LRRC7: variants seen among roughly 807,000 people sequenced by gnomAD.
LRRC7 encodes the protein leucine rich repeat containing 7, also known as leucine-rich repeat-containing protein 7.
In LRRC7, 23 loss-of-function variants were observed where a neutral mutation model predicts 175.7. The ratio of observed to expected loss-of-function variants is 0.13; its 90% CI spans 0.09 to 0.19. The LOEUF is 0.19. Ranked by LOEUF, LRRC7 falls within the 10% of genes least tolerant of loss-of-function variation. The pLI, the probability that LRRC7 is intolerant of heterozygous loss-of-function variation, is 1.00. For synonymous variants in LRRC7, 685 were observed against 680.9 expected, an observed-to-expected ratio of 1.01 and a Z score of -0.09; for missense variants, 1,354 against 1,904.7, an observed-to-expected ratio of 0.71 and a Z score of 5.38.
At chr1:69,938,199 G>A (rs1448712006) in intron 8 of LRRC7, among the ~76,000 whole-genome samples, 1 of 151,996 alleles carries the variant, frequency 6.6e-6, no homozygotes, top group Non-Finnish European at 1.5e-5. Flanking sequence ...GAAATAAGTA[G>A]TGTCATTTTA....
chr1:69,793,450 A>G (rs1465569915), intron 4 of LRRC7, among the ~76,000 whole-genome samples: 1 of 152,062 alleles, frequency 6.6e-6, no homozygotes, highest in Non-Finnish European at 1.5e-5. Context: ...GCTCCATGAC[A>G]ATATCTCAGT....
chr1:69,941,998 A>C (rs192334235), intron 8 of LRRC7, among the ~76,000 whole-genome samples: 1 of 152,212 alleles, frequency 6.6e-6, no homozygotes, highest in Non-Finnish European at 1.5e-5. Context: ...TTGCCTCCAT[A>C]CATTCTAAAC....
At chr1:69,577,758 T>C (rs1156348859) in intron 1 of LRRC7, among the ~76,000 whole-genome samples, 1 of 151,990 alleles carries the variant, frequency 6.6e-6, no homozygotes, top group African/African-American at 2.4e-5. Flanking sequence ...TTGGTACCAA[T>C]GCCATGCTGT....
intron 7 of LRRC7, among the ~76,000 whole-genome samples, chr1:69,879,212 TAA>T (rs201332183): frequency 2.2e-4 from 20 of 91,970 alleles, no homozygotes; most frequent in African/African-American, 6.8e-4. Context: ...AAAACTGCTT[TAA>T]AAAAAAAAAA....
chr1:70,105,816 C>T (rs1665106845), intron 25 of LRRC7, among the ~76,000 whole-genome samples: 1 of 152,070 alleles, frequency 6.6e-6, no homozygotes, highest in Admixed American at 6.6e-5. Context: ...AAAAGTTATA[C>T]AGTTTTCTAG....
At chr1:70,102,700 T>C (rs186114156) in intron 25 of LRRC7, among the ~76,000 whole-genome samples, 2 of 152,298 alleles carry the variant, frequency 1.3e-5, no homozygotes, top group Admixed American at 1.3e-4. Context: ...GTAACATTTA[T>C]TGATGCTATA....
In LRRC7 at chr1:70,129,103, C is replaced by T. The variant is rs749361163; in HGVS notation, c.*7216C>T. On this transcript the variant is annotated 3_prime_UTR_variant, in exon 27 of 27. Coordinates refer to ENST00000651989, the MANE Select transcript of LRRC7 (RefSeq NM_001370785.2). ...TCTACTAAAAATATGAAAAATTAGC[C>T]GGGCATTGTGGCGCGCACCTGTAAT... Among the ~76,000 whole-genome samples, 10 of 151,918 alleles carry T rather than the reference C, an allele frequency of 6.6e-5. No individual in the cohort carries two copies. The highest frequency in any genetic ancestry group is 1.9e-4 in the East Asian group (1 of 5,182).
At chr1:69,725,728 G>A (rs1179730660) in intron 2 of LRRC7, among the ~76,000 whole-genome samples, 3 of 152,154 alleles carry the variant, frequency 2.0e-5, no homozygotes, top group Admixed American at 6.5e-5. Context: ...TTGTCAAACC[G>A]TGTTTGTCTC....
At position 69,924,991 on chromosome 1, in the gene LRRC7, TGA is replaced by T. The variant is rs1425766303; in HGVS notation, c.648-6512_648-6511del. ...TACATCCCATCAATACCTAATTTAT[TGA>T]GAGTTTTTAGCATGAAGGGTTGTTG... On this transcript the variant is annotated intron_variant, in intron 7 of 26. Transcript: ENST00000651989. Among the ~76,000 whole-genome samples, 20 of 152,300 alleles carry T rather than the reference TGA, an allele frequency of 1.3e-4. No individual in the cohort carries two copies. In the South Asian group the frequency reaches 4.2e-3, roughly 32 times the overall value.
intron 1 of LRRC7, among the ~76,000 whole-genome samples, chr1:69,620,734 C>A (rs901087176): frequency 2.6e-5 from 4 of 152,156 alleles, no homozygotes; most frequent in African/African-American, 9.7e-5. Context: ...GGATATTGTT[C>A]TCATCTTCTC....
chr1:70,061,356 A>C (rs531132570), intron 23 of LRRC7, among the ~76,000 whole-genome samples: 1 of 152,218 alleles, frequency 6.6e-6, no homozygotes, highest in South Asian at 2.1e-4. Flanking sequence ...TGTTTCCCTC[A>C]TCTTGTTCCC....
intron 8 of LRRC7, among the ~76,000 whole-genome samples, chr1:69,953,429 T>G (rs1017898041): frequency 1.6e-4 from 25 of 152,026 alleles, no homozygotes; most frequent in African/African-American, 5.8e-4. Flanking sequence ...ACTGCACCCA[T>G]TATTTTTGCC....
chr1:69,660,772 A>G (rs531558958), intron 1 of LRRC7, among the ~76,000 whole-genome samples: 2 of 152,212 alleles, frequency 1.3e-5, no homozygotes, highest in Admixed American at 6.5e-5. Flanking sequence ...GCCTTTGTAA[A>G]GATGTCTTTT....
At position 70,040,514 on chromosome 1, in the gene LRRC7, G is replaced by A. The variant is rs114076989; in HGVS notation, c.3969+721G>A. Among the ~76,000 whole-genome samples the A allele has an allele frequency of 3.9e-3, 592 of 152,200 alleles. 5 individuals are homozygous for A. Among genetic ancestry groups the A allele is most frequent in the African/African-American group, 0.013 (559 of 41,522 alleles). ...GCAGCAAAAAAGAAAATTAATTCTAGTTCAGTTAAAAATTGAGTCACAATA... is the reference window on the plus strand; with the variant it reads ...GCAGCAAAAAAGAAAATTAATTCTAATTCAGTTAAAAATTGAGTCACAATA... On this transcript the variant is annotated intron_variant, in intron 21 of 26. Coordinates refer to ENST00000651989, the MANE Select transcript of LRRC7 (RefSeq NM_001370785.2).
chr1:70,143,159 A>G lies in LRRC7; in HGVS notation c.*21272A>G, dbSNP rs1299045465. The stretch of plus-strand genomic sequence containing the variant: ...AGAAAAATTCCTAAGCAGTGATACA[A>G]CTTTGGGTCGCTATTTTAGTAAAAT... On this transcript the variant is annotated 3_prime_UTR_variant, in exon 27 of 27. Transcript: ENST00000651989. The G allele has an allele frequency of 6.7e-6, 1 of 150,010 alleles. No individual in the cohort carries two copies. The highest frequency in any genetic ancestry group is 2.5e-5 in the African/African-American group (1 of 40,800). The allele number at this position is 150,010 out of a possible 1,614,324, so 9.3% of individuals were successfully genotyped here. A position where few individuals can be genotyped will look rare whatever the true frequency, so the allele number is the denominator to read the frequency against.
chr1:69,665,331 T>C (rs373795977), intron 1 of LRRC7, among the ~76,000 whole-genome samples: 8 of 152,252 alleles, frequency 5.3e-5, no homozygotes, highest in Admixed American at 2.6e-4. Context: ...TTTTTTCTAT[T>C]TCTGTGAAGA....
At chr1:69,659,864 A>C (rs1369057322) in intron 1 of LRRC7, among the ~76,000 whole-genome samples, 2 of 152,072 alleles carry the variant, frequency 1.3e-5, no homozygotes, top group Non-Finnish European at 2.9e-5. Flanking sequence ...TAAAAAATAA[A>C]ATGAAACAAG....
chr1:69,909,641 C>A (rs1338524192), intron 7 of LRRC7, among the ~76,000 whole-genome samples: 3 of 152,188 alleles, frequency 2.0e-5, no homozygotes, highest in East Asian at 1.9e-4. Context: ...GAGAGATCCG[C>A]TGTTAGTCTG....
intron 1 of LRRC7, among the ~76,000 whole-genome samples, chr1:69,591,649 A>G (rs1254037143): frequency 1.3e-5 from 2 of 152,076 alleles, no homozygotes; most frequent in Middle Eastern, 3.4e-3. Context: ...AAATATTTTT[A>G]TTTTTCTATA....
Sources: allele counts gnomAD v4.1 joint callset (sites outside exome capture counted in the v4.1 genomes callset), GRCh38; gene constraint gnomAD v4.1.1; transcripts MANE v1.5; gene names NCBI Gene and HGNC (gene_info 2026-07-23, HGNC 2026-07-21).